SOX6: variants seen among roughly 807,000 people sequenced by gnomAD.
SOX6 encodes the protein SRY-box transcription factor 6.
Under a neutral mutation model 97.8 loss-of-function variants are expected in SOX6, and 11 were observed. The ratio of observed to expected loss-of-function variants is 0.11; its 90% confidence interval spans 0.07 to 0.19. SOX6 has a LOEUF of 0.19. SOX6 is among the 10% of genes least tolerant of loss of function. The probability of loss-of-function intolerance (pLI) is 1.00; values close to 1 mark genes in which losing one functional copy is unlikely to be tolerated. For missense variants in SOX6, 810 were observed against 1,039.5 expected, an observed-to-expected ratio of 0.78 and a Z score of 3.04; for synonymous variants, 360 against 371.4, an observed-to-expected ratio of 0.97 and a Z score of 0.35.
At chr11:16,042,843 T>C (rs1195692493) in intron 12 of SOX6, among the ~76,000 whole-genome samples, 1 of 152,166 alleles carries the variant, frequency 6.6e-6, no homozygotes, top group Non-Finnish European at 1.5e-5. Flanking sequence ...GATAAGGAAG[T>C]GAATAGCAGC....
chr11:16,431,131 A>T (rs1253307537), intron 1 of SOX6, among the ~76,000 whole-genome samples: 1 of 152,044 alleles, frequency 6.6e-6, no homozygotes, highest in Non-Finnish European at 1.5e-5. Context: ...GTGTCAACTT[A>T]AATATCACCT....
chr11:16,146,774 A>C (rs1414595522), intron 6 of SOX6, among the ~76,000 whole-genome samples: 1 of 152,232 alleles, frequency 6.6e-6, no homozygotes, highest in Non-Finnish European at 1.5e-5. Flanking sequence ...ACTGGCCATC[A>C]GAGAAATGCA....
chr11:16,329,131 C>G (rs1453189565), intron 2 of SOX6, among the ~76,000 whole-genome samples: 3 of 151,938 alleles, frequency 2.0e-5, no homozygotes, highest in Non-Finnish European at 4.4e-5. Flanking sequence ...ATAGATGTGT[C>G]AGAAAATAGA....
chr11:16,445,590 C>T (rs1859595494), intron 1 of SOX6, among the ~76,000 whole-genome samples: 1 of 152,152 alleles, frequency 6.6e-6, no homozygotes. Flanking sequence ...GAACTCCTTA[C>T]CTTCCTCTGG....
At chr11:16,074,194 A>G (rs548576549) in intron 9 of SOX6, among the ~76,000 whole-genome samples, 1 of 152,262 alleles carries the variant, frequency 6.6e-6, no homozygotes, top group South Asian at 2.1e-4. Context: ...TAAGATTAAT[A>G]GACCACTAGC....
At chr11:16,254,083 T>C (rs1414921161) in intron 3 of SOX6, among the ~76,000 whole-genome samples, 1 of 151,608 alleles carries the variant, frequency 6.6e-6, no homozygotes, top group Non-Finnish European at 1.5e-5. Context: ...GTGAAATATT[T>C]AAAGTGATGA....
chr11:16,672,019 C>T (rs959482141), intron 3 of SOX6, among the ~76,000 whole-genome samples: 10 of 152,178 alleles, frequency 6.6e-5, no homozygotes, highest in South Asian at 4.1e-4. Context: ...AAAAAATCTT[C>T]GACCAAGAAT....
intron 9 of SOX6, among the ~76,000 whole-genome samples, chr11:16,076,554 C>A (rs945067210): frequency 1.3e-5 from 2 of 151,934 alleles, no homozygotes; most frequent in Admixed American, 6.6e-5. Context: ...TAAAGAAATA[C>A]CTGAGACTGA....
At chr11:16,603,265 A>G (rs1848292983) in intron 4 of SOX6, among the ~76,000 whole-genome samples, 1 of 152,212 alleles carries the variant, frequency 6.6e-6, no homozygotes, top group African/African-American at 2.4e-5. Context: ...ATGGCTGCAG[A>G]AATCTGGTCT....
intron 3 of SOX6, among the ~76,000 whole-genome samples, chr11:16,709,100 T>TA (rs1848157711): frequency 6.6e-6 from 1 of 152,220 alleles, no homozygotes; most frequent in Non-Finnish European, 1.5e-5. Flanking sequence ...AAATCTCATG[T>TA]AAATCCCAGT....
chr11:16,678,767 C>A (rs185172207), intron 3 of SOX6, among the ~76,000 whole-genome samples: 1 of 152,302 alleles, frequency 6.6e-6, no homozygotes, highest in East Asian at 1.9e-4. Context: ...GCTTTTCCCA[C>A]GATCTTAGCA....
chr11:16,354,439 A>G (rs1857024925), intron 1 of SOX6, among the ~76,000 whole-genome samples: 1 of 151,992 alleles, frequency 6.6e-6, no homozygotes, highest in Admixed American at 6.6e-5. Context: ...TGCTGAGTGA[A>G]CTAATGACAA....
chr11:16,126,036 T>G (rs1157786327), intron 6 of SOX6, among the ~76,000 whole-genome samples: 1 of 152,096 alleles, frequency 6.6e-6, no homozygotes, highest in African/African-American at 2.4e-5. Flanking sequence ...AACATATATT[T>G]AACATTAGGT....
chr11:16,128,040 T>A (rs963932429), intron 6 of SOX6, among the ~76,000 whole-genome samples: 1 of 152,172 alleles, frequency 6.6e-6, no homozygotes, highest in African/African-American at 2.4e-5. Flanking sequence ...ATGTGGTGCT[T>A]TAATGTCCTA....
chr11:16,263,992 C>T (rs1197137129), intron 3 of SOX6, among the ~76,000 whole-genome samples: 2 of 151,898 alleles, frequency 1.3e-5, no homozygotes, highest in Non-Finnish European at 2.9e-5. Flanking sequence ...CCTATACATG[C>T]TCAGTATGGT....
intron 1 of SOX6, among the ~76,000 whole-genome samples, chr11:16,355,766 C>T (rs1198092353): frequency 6.6e-6 from 1 of 151,816 alleles, no homozygotes; most frequent in Admixed American, 6.6e-5. Flanking sequence ...ATCTATGATT[C>T]CTCATAGATA....
At chr11:16,312,939 T>C (rs1483440165) in intron 3 of SOX6, 2 of 152,192 alleles carry the variant, frequency 1.3e-5, no homozygotes, top group African/African-American at 2.4e-5. Flanking sequence ...AAAGGTGGTT[T>C]CTGACATTCA....
chr11:16,043,897 T>A (rs1019038701), intron 12 of SOX6, among the ~76,000 whole-genome samples: 1 of 151,622 alleles, frequency 6.6e-6, no homozygotes, highest in Admixed American at 6.6e-5. Flanking sequence ...CAATGACTGG[T>A]TGATGCAGGG....
chr11:16,153,438 G>GT (rs1850511770), intron 6 of SOX6, among the ~76,000 whole-genome samples: 2 of 152,278 alleles, frequency 1.3e-5, no homozygotes, highest in Admixed American at 6.5e-5. Context: ...GATATGTAGA[G>GT]TAAGTTTTAC....
Sources: gnomAD v4.1 joint callset for allele counts (sites outside exome capture counted in the v4.1 genomes callset) on GRCh38, gnomAD v4.1.1 for gene constraint, MANE v1.5 for transcripts, NCBI Gene and HGNC (gene_info 2026-07-23, HGNC 2026-07-21) for gene names.